The following ANO6 variants were observed in gnomAD, a reference collection of about 807,000 sequenced individuals.
ANO6 encodes anoctamin 6.
A neutral mutation model predicts 117.5 loss-of-function variants in ANO6; 106 were observed. The observed-to-expected ratio is 0.90, with a 90% CI of 0.77 to 1.06. The LOEUF is 1.06. ANO6 is among the 50% of genes least tolerant of loss of function. The pLI is 0.00. For missense variants in ANO6, 955 were observed against 1,121.1 expected (o/e 0.85, Z 2.12); for synonymous variants, 367 against 385.1 (o/e 0.95, Z 0.55).
chr12:45,314,934 A>G lies in ANO6; in HGVS notation c.150+12841A>G, dbSNP rs1264951310. Among the ~76,000 whole-genome samples, 4 of 152,110 alleles carry G rather than the reference A, an allele frequency of 2.6e-5. No homozygotes were observed. In the East Asian group the frequency reaches 7.7e-4, roughly 29 times the overall value. On this transcript the variant is annotated intron_variant, in intron 2 of 19. Transcript: ENST00000320560. The stretch of plus-strand genomic sequence containing the variant: ...TGCCCAAATAGCATTACATGAACAT[A>G]TCAGTGAAGGTGGAAATGAGTGGGT...
At chr12:45,226,658 A>G (rs1016138469) in intron 1 of ANO6, among the ~76,000 whole-genome samples, 5 of 152,148 alleles carry the variant, frequency 3.3e-5, no homozygotes, top group Non-Finnish European at 7.4e-5. Context: ...TTGAAAAATA[A>G]TCTTTGGCTT....
chr12:45,395,438 C>T (rs1251473189), intron 12 of ANO6, among the ~76,000 whole-genome samples: 2 of 152,210 alleles, frequency 1.3e-5, no homozygotes, highest in Non-Finnish European at 2.9e-5. Context: ...ACCATTCCTT[C>T]TGACACCATT....
intron 1 of ANO6, among the ~76,000 whole-genome samples, chr12:45,220,929 C>T (rs76853197): frequency 0.012 from 1,789 of 152,310 alleles, 21 homozygotes; most frequent in East Asian, 0.034. Flanking sequence ...TCCATAAGAA[C>T]CCAAAAATTC....
intron 1 of ANO6, among the ~76,000 whole-genome samples, chr12:45,264,794 T>C (rs1938161186): frequency 6.6e-6 from 1 of 152,226 alleles, no homozygotes; most frequent in Non-Finnish European, 1.5e-5. Context: ...TTGAACTTCA[T>C]ATCTGTATCA....
intron 1 of ANO6, among the ~76,000 whole-genome samples, chr12:45,252,874 A>G (rs1937673474): frequency 6.6e-6 from 1 of 152,110 alleles, no homozygotes; most frequent in South Asian, 2.1e-4. Context: ...TAAGGATATA[A>G]TCTTATATTA....
intron 2 of ANO6, among the ~76,000 whole-genome samples, chr12:45,312,579 A>T (rs1287472395): frequency 6.6e-6 from 1 of 152,060 alleles, no homozygotes; most frequent in African/African-American, 2.4e-5. Context: ...AGTTAACTGT[A>T]GTTTTCCTTA....
chr12:45,393,055 A>G lies in ANO6; in HGVS notation c.1386+2557A>G, dbSNP rs138906460. Among the ~76,000 whole-genome samples the G allele has an allele frequency of 7.2e-3, 1,098 of 152,326 alleles. 21 individuals are homozygous for G. The highest frequency in any genetic ancestry group is 0.025 in the African/African-American group (1,042 of 41,584). ...GGTAATAACAGACTTCTCTTAGCTA[A>G]AAGATAATGTTCTAACCCATCGCAA... On this transcript the variant is annotated intron_variant, in intron 12 of 19. Coordinates refer to ENST00000320560, the MANE Select transcript of ANO6 (RefSeq NM_001025356.3).
In ANO6 at chr12:45,388,049, T is replaced by C. The variant is rs1018529925; in HGVS notation, c.1166-112T>C. 1.9e-5 allele frequency: 26 copies of C among 1,384,338 alleles called. No homozygotes were observed. In the African/African-American group the frequency reaches 2.7e-4, roughly 14 times the overall value. 85.8% of individuals were successfully genotyped at this position (1,384,338 alleles called of 1,614,324 possible). On this transcript the variant is annotated intron_variant, in intron 10 of 19. Transcript: ENST00000320560. ...ATTACCCAGTCCAGGTAGTTCTTTA[T>C]AGCAGTGTGAAAACAGGCCAGTACA...
intron 9 of ANO6, among the ~76,000 whole-genome samples, chr12:45,369,175 C>G (rs1026217472): frequency 2.0e-5 from 3 of 152,112 alleles, no homozygotes; most frequent in Non-Finnish European, 4.4e-5. Context: ...TCTCCCAAAC[C>G]AACACAAACT....
intron 15 of ANO6, 78 bp downstream of exon 15, chr12:45,403,614 T>C (rs892449092): frequency 1.2e-6 from 1 of 821,056 alleles, no homozygotes; most frequent in Non-Finnish European, 1.7e-6. Flanking sequence ...TTTGCCTACA[T>C]AGCCACATAG....
intron 8 of ANO6, among the ~76,000 whole-genome samples, chr12:45,366,800 A>G (rs893539642): frequency 7.9e-5 from 12 of 152,174 alleles, no homozygotes; most frequent in African/African-American, 2.9e-4. Flanking sequence ...AAATCTTAAC[A>G]TAGTTTGAAT....
At chr12:45,224,480 A>G (rs1052975892) in intron 1 of ANO6, among the ~76,000 whole-genome samples, 3 of 152,224 alleles carry the variant, frequency 2.0e-5, no homozygotes, top group African/African-American at 4.8e-5. Flanking sequence ...ACAGCTAAAA[A>G]CAAAGCAAAC....
chr12:45,302,923 T>A (rs11182966), intron 2 of ANO6, among the ~76,000 whole-genome samples: 8,120 of 152,268 alleles, frequency 0.053, 529 homozygotes, highest in East Asian at 0.35. Flanking sequence ...AATGTTTTTT[T>A]ATTTATTTTC....
intron 13 of ANO6, 128 bp from the exon 14 acceptor site, chr12:45,402,944 A>G (rs1274963431): frequency 1.8e-5 from 17 of 926,756 alleles, no homozygotes; most frequent in Non-Finnish European, 2.6e-5. Context: ...AAACAGCTTA[A>G]ATGGAAACAG....
intron 19 of ANO6, among the ~76,000 whole-genome samples, chr12:45,426,042 A>T (rs544459463): frequency 6.6e-6 from 1 of 152,356 alleles, no homozygotes; most frequent in African/African-American, 2.4e-5. Context: ...AAATGACGTT[A>T]TTCAAGGACC....
chr12:45,412,474 C>T (rs1455349981), intron 16 of ANO6, among the ~76,000 whole-genome samples: 1 of 152,226 alleles, frequency 6.6e-6, no homozygotes, highest in Admixed American at 6.5e-5. Context: ...ATCAGCTATT[C>T]TTCAGCAGCT....
intron 2 of ANO6, among the ~76,000 whole-genome samples, chr12:45,320,987 C>G (rs1007090407): frequency 2.0e-5 from 3 of 150,366 alleles, no homozygotes; most frequent in Non-Finnish European, 4.4e-5. Flanking sequence ...CTTCCTCCAT[C>G]CCTTTATTTT....
intron 3 of ANO6, among the ~76,000 whole-genome samples, chr12:45,346,227 T>C (rs1941127890): frequency 6.6e-6 from 1 of 152,220 alleles, no homozygotes; most frequent in African/African-American, 2.4e-5. Context: ...TCTACTCATT[T>C]TCTTCATTTC....
chr12:45,334,990 G>A (rs1209618830), intron 3 of ANO6, among the ~76,000 whole-genome samples: 1 of 151,916 alleles, frequency 6.6e-6, no homozygotes, highest in Non-Finnish European at 1.5e-5. Flanking sequence ...ATTCAGATGA[G>A]GGTGAAGATG....
Sources: gnomAD v4.1 joint callset for allele counts (sites outside exome capture counted in the v4.1 genomes callset) on GRCh38, gnomAD v4.1.1 for gene constraint, MANE v1.5 for transcripts, NCBI Gene and HGNC (gene_info 2026-07-23, HGNC 2026-07-21) for gene names.